The following MALRD1 variants were observed in gnomAD, a reference collection of about 807,000 sequenced individuals.
MALRD1 encodes MAM and LDL-receptor class A domain-containing protein 1.
A neutral mutation model predicts 242.1 loss-of-function variants in MALRD1; 247 were observed. The ratio of observed to expected loss-of-function variants is 1.02; its 90% CI spans 0.92 to 1.13. The LOEUF (loss-of-function observed/expected upper bound fraction) is 1.13, where lower values mean the gene tolerates loss of function less well. MALRD1 is among the 50% of genes most tolerant of loss of function. The pLI is 0.00. For missense variants in MALRD1, 2,989 were observed against 2,533.1 expected (o/e 1.18, Z -3.86); for synonymous variants, 995 against 866.6 (o/e 1.15, Z -2.60).
chr10:19,100,323 G>A (rs1283219147), intron 4 of MALRD1, among the ~76,000 whole-genome samples: 9 of 152,152 alleles, frequency 5.9e-5, no homozygotes, highest in Admixed American at 2.0e-4. Context: ...TCAAAATAAC[G>A]TTTCATCAGT....
chr10:19,293,563 A>T (rs1011308149), intron 21 of MALRD1, among the ~76,000 whole-genome samples: 1 of 152,192 alleles, frequency 6.6e-6, no homozygotes, highest in Admixed American at 6.5e-5. Context: ...GATAATTTTT[A>T]AAAATTAACT....
intron 31 of MALRD1, among the ~76,000 whole-genome samples, chr10:19,530,925 A>G (rs1477354160): frequency 1.3e-5 from 2 of 152,208 alleles, no homozygotes; most frequent in Admixed American, 1.3e-4. Context: ...TTAGGAGAAT[A>G]GGAATACACC....
chr10:19,650,248 A>G (rs1169762788), intron 36 of MALRD1, among the ~76,000 whole-genome samples: 1 of 152,224 alleles, frequency 6.6e-6, no homozygotes, highest in Non-Finnish European at 1.5e-5. Flanking sequence ...GATGAAGCAA[A>G]AAGGAATTGT....
intron 10 of MALRD1, among the ~76,000 whole-genome samples, chr10:19,137,586 C>T (rs998832276): frequency 6.1e-5 from 8 of 131,624 alleles, no homozygotes; most frequent in Non-Finnish European, 3.1e-5. Context: ...CCAGCCCAGG[C>T]GACAGCGTGA....
intron 32 of MALRD1, among the ~76,000 whole-genome samples, chr10:19,534,948 C>T (rs920883363): frequency 1.3e-5 from 2 of 151,982 alleles, no homozygotes; most frequent in African/African-American, 2.4e-5. Flanking sequence ...TGCAGTGGCG[C>T]GATCTTGGCT....
intron 21 of MALRD1, 101 bp downstream of exon 21, chr10:19,283,282 A>G (rs1386076457): frequency 2.1e-6 from 2 of 974,008 alleles, no homozygotes; most frequent in Non-Finnish European, 2.7e-6. Context: ...ATGCTACTGT[A>G]AAGACAAATG....
chr10:19,190,445 A>G (rs1025720695), intron 14 of MALRD1, among the ~76,000 whole-genome samples: 4 of 152,106 alleles, frequency 2.6e-5, no homozygotes, highest in African/African-American at 9.7e-5. Flanking sequence ...TGAAATAGAA[A>G]GTAAGTTCAT....
intron 10 of MALRD1, among the ~76,000 whole-genome samples, chr10:19,137,292 C>G (rs1833380055): frequency 1.3e-5 from 2 of 151,972 alleles, no homozygotes; most frequent in South Asian, 4.1e-4. Flanking sequence ...AAGGGCCGCT[C>G]TCCTCTTACT....
In MALRD1 at chr10:19,146,364, A is replaced by T. The variant is rs1445683103; in HGVS notation, c.1558+20A>T. On this transcript the variant is annotated intron_variant, in intron 11 of 39. Transcript: ENST00000454679. ...ATCATGGTAGGACATTTTCCTCTTTAAAAAAAAATAGTTTTCTTTCTTGCA... is the reference window on the plus strand; with the variant it reads ...ATCATGGTAGGACATTTTCCTCTTTTAAAAAAAATAGTTTTCTTTCTTGCA... The T allele has an allele frequency of 2.6e-5, 31 of 1,171,220 alleles. No individual in the cohort carries two copies. The highest frequency in any genetic ancestry group is 4.3e-5 in the South Asian group (1 of 23,296). The allele number at this position is 1,171,220 out of a possible 1,614,324, so 72.6% of individuals were successfully genotyped here.
intron 2 of MALRD1, among the ~76,000 whole-genome samples, chr10:19,085,207 G>A (rs906943614): frequency 3.3e-5 from 5 of 151,946 alleles, no homozygotes; most frequent in African/African-American, 1.2e-4. Context: ...GAATGGTCAT[G>A]TGGAGAAAAG....
chr10:19,238,932 G>T (rs974843444), intron 18 of MALRD1, among the ~76,000 whole-genome samples: 1 of 151,624 alleles, frequency 6.6e-6, no homozygotes, highest in East Asian at 1.9e-4. Context: ...GGGTGAACTG[G>T]TATCTTATTG....
intron 14 of MALRD1, among the ~76,000 whole-genome samples, chr10:19,194,668 T>G (rs976813488): frequency 6.6e-6 from 1 of 152,134 alleles, no homozygotes; most frequent in Non-Finnish European, 1.5e-5. Flanking sequence ...TAAATAAACA[T>G]GCTGTTCAAT....
At chr10:19,077,911 AG>A (rs1480133857) in intron 2 of MALRD1, among the ~76,000 whole-genome samples, 8 of 151,998 alleles carry the variant, frequency 5.3e-5, no homozygotes, top group African/African-American at 1.7e-4. Flanking sequence ...CTATTTTCTA[AG>A]TCGTGCATTG....
intron 33 of MALRD1, among the ~76,000 whole-genome samples, chr10:19,577,835 C>A (rs1037127385): frequency 6.6e-6 from 1 of 152,056 alleles, no homozygotes; most frequent in African/African-American, 2.4e-5. Flanking sequence ...TCCTAAATTC[C>A]TGGTCACTTT....
chr10:19,481,327 G>A (rs909522697), intron 29 of MALRD1, among the ~76,000 whole-genome samples: 2 of 152,118 alleles, frequency 1.3e-5, no homozygotes, highest in Non-Finnish European at 1.5e-5. Flanking sequence ...TATGTGCATT[G>A]ACCTTTAAAC....
chr10:19,418,270 C>A (rs553273320), intron 28 of MALRD1, among the ~76,000 whole-genome samples: 2 of 152,022 alleles, frequency 1.3e-5, no homozygotes, highest in Admixed American at 6.6e-5. Context: ...ACCATTCCCC[C>A]CCACGCCCCC....
chr10:19,049,231 C>A, intron 1 of MALRD1, 94 bp downstream of exon 1: 1 of 968,018 alleles, frequency 1.0e-6, no homozygotes, highest in Non-Finnish European at 1.3e-6. Flanking sequence ...AGATACTTGG[C>A]TCTGTATGCA....
chr10:19,695,775 C>G (rs141534595), intron 38 of MALRD1, among the ~76,000 whole-genome samples: 1 of 152,100 alleles, frequency 6.6e-6, no homozygotes, highest in Non-Finnish European at 1.5e-5. Flanking sequence ...CCACCTGCCT[C>G]AGCCTCCCAA....
At chr10:19,386,444 T>C (rs1846078536) in intron 26 of MALRD1, among the ~76,000 whole-genome samples, 1 of 152,004 alleles carries the variant, frequency 6.6e-6, no homozygotes, top group Non-Finnish European at 1.5e-5. Context: ...TCCTGTAGTG[T>C]CAGAGAAAAA....
Sources: allele counts gnomAD v4.1 joint callset (sites outside exome capture counted in the v4.1 genomes callset), GRCh38; gene constraint gnomAD v4.1.1; transcripts MANE v1.5; gene names NCBI Gene and HGNC (gene_info 2026-07-23, HGNC 2026-07-21).